Variants in ODAD4 observed in about 807,000 individuals in gnomAD.
The protein encoded by ODAD4 is outer dynein arm docking complex subunit 4, also known as outer dynein arm-docking complex subunit 4.
A neutral mutation model predicts 51.8 loss-of-function variants in ODAD4; 49 were observed. The ratio of observed to expected loss-of-function variants is 0.95; its 90% CI spans 0.75 to 1.20. The LOEUF (loss-of-function observed/expected upper bound fraction) is 1.20, where lower values mean the gene tolerates loss of function less well. ODAD4 is among the 50% of genes most tolerant of loss of function. The pLI is 0.00. For missense variants in ODAD4, 590 were observed against 586.5 expected, an observed-to-expected ratio of 1.01 and a Z score of -0.06; for synonymous variants, 235 against 221.3, an observed-to-expected ratio of 1.06 and a Z score of -0.55.
rs781808611 is a variant in ODAD4 at position 41,955,211 on chromosome 17, C to G, written c.1343-6C>G. 2.6e-6 allele frequency: 2 copies of G among 774,952 alleles called. No individual in the cohort carries two copies. The highest frequency in any genetic ancestry group is 4.8e-6 in the Non-Finnish European group (2 of 415,320). The allele number at this position is 774,952 out of a possible 1,614,324, so 48.0% of individuals were successfully genotyped here. ...CTGTGTTGTGCCTTCTCCCCTTGCT[C>G]TCCAGTGAAGCTGAGAGACTTCGAG... On this transcript the variant is annotated splice_polypyrimidine_tract_variant and splice_region_variant and intron_variant, in intron 9 of 11. Transcript: ENST00000377540.
chr17:41,945,249 C>T (rs782405018), intron 8 of ODAD4, 27 bp downstream of exon 8: 6 of 1,562,946 alleles, frequency 3.8e-6, no homozygotes, highest in Non-Finnish European at 5.3e-6. Flanking sequence ...TGCCTCTTCC[C>T]CACCTCCATG....
chr17:41,965,011 A>G lies in ODAD4; in HGVS notation c.1547A>G (p.Asp516Gly), dbSNP rs1227330093. ...KSEGEASLYE[D>G]RIITREKDMR... Reference sequence around the variant, plus strand: ...TTTTCAGAAGCTTCACTGTATGAAGATAGAATAATAACAAGAGAGAAGGAC... The same window carrying G: ...TTTTCAGAAGCTTCACTGTATGAAGGTAGAATAATAACAAGAGAGAAGGAC... Residue 516 changes from aspartate to glycine, a missense_variant, in exon 12 of 12, where the codon GAT becomes GGT. Asp to Gly is a moderately conservative substitution (Grantham distance 94). This residue lies in a region of ODAD4 where 226 missense variants were observed against 162.7 expected (regional missense o/e 1.39). Transcript: ENST00000377540. The G allele has an allele frequency of 4.2e-6, 3 of 713,198 alleles. No individual in the cohort carries two copies. In the African/African-American group the frequency reaches 5.3e-5, roughly 13 times the overall value. The allele number at this position is 713,198 out of a possible 1,614,324, so 44.2% of individuals were successfully genotyped here. A position where few individuals can be genotyped will look rare whatever the true frequency, so the allele number is the denominator to read the frequency against.
chr17:41,961,258 G>C, intron 10 of ODAD4, 124 bp from the exon 11 acceptor site: 1 of 638,658 alleles, frequency 1.6e-6, no homozygotes, highest in East Asian at 2.7e-5. Context: ...CATTGGAGGG[G>C]CCAGAGGGAA....
chr17:41,934,260 C>G (rs546607598), intron 1 of ODAD4, among the ~76,000 whole-genome samples: 1 of 152,120 alleles, frequency 6.6e-6, no homozygotes, highest in East Asian at 1.9e-4. Context: ...AGGCTGGTCT[C>G]AAACTCCTGA....
intron 8 of ODAD4, among the ~76,000 whole-genome samples, chr17:41,947,827 A>T (rs1276737508): frequency 2.0e-5 from 3 of 150,756 alleles, no homozygotes; most frequent in African/African-American, 7.3e-5. Context: ...AAAATAAAAT[A>T]AAAATAAAAT....
At chr17:41,947,209 C>G (rs1010101417) in intron 8 of ODAD4, among the ~76,000 whole-genome samples, 7 of 151,006 alleles carry the variant, frequency 4.6e-5, no homozygotes, top group Non-Finnish European at 7.4e-5. Flanking sequence ...CGCGGTGGCT[C>G]ACGCCTGTAA....
At chr17:41,950,417 C>G (rs1238650784) in intron 9 of ODAD4, among the ~76,000 whole-genome samples, 6 of 147,598 alleles carry the variant, frequency 4.1e-5, no homozygotes, top group African/African-American at 1.2e-4. Flanking sequence ...GAGACTCACT[C>G]TGTCACCCAG....
Position 41,938,669 on chromosome 17 carries a change from C to T in ODAD4, c.738C>T (p.Tyr246=), listed in dbSNP as rs549565054. The T allele has an allele frequency of 6.8e-5, 109 of 1,613,976 alleles. No homozygotes were observed. The South Asian group carries it at 1.1e-3, about 16-fold the overall frequency. The change falls in exon 6 of 12, where the codon TAC becomes TAT. Residue 246 remains tyrosine, a synonymous_variant. Transcript: ENST00000377540. The part of the protein sequence containing the change: ...SNFWRQQKPI[Y]ARERDRKLMQ... Reference sequence around the variant, plus strand: ...TCTGGAGGCAGCAGAAGCCGATCTACGCCAGGGAGCGGGACCGGAAGCTGA... The same window carrying T: ...TCTGGAGGCAGCAGAAGCCGATCTATGCCAGGGAGCGGGACCGGAAGCTGA...
At chr17:41,933,343 T>G (rs1407698757) in intron 1 of ODAD4, among the ~76,000 whole-genome samples, 12 of 137,616 alleles carry the variant, frequency 8.7e-5, no homozygotes, top group Non-Finnish European at 1.7e-4. Context: ...AGAGTGAAAC[T>G]CTGTCTCAAA....
intron 7 of ODAD4, among the ~76,000 whole-genome samples, chr17:41,944,435 CACA>C (rs1567933080): frequency 0.011 from 48 of 4,478 alleles, no homozygotes; most frequent in South Asian, 0.026. Context: ...CACACACACA[CACA>C]CACACACCCC....
chr17:41,952,153 G>T (rs1555640222), intron 9 of ODAD4, among the ~76,000 whole-genome samples: 1 of 151,962 alleles, frequency 6.6e-6, no homozygotes, highest in Non-Finnish European at 1.5e-5. Flanking sequence ...CAGATCACAA[G>T]GTCAGGAGTT....
rs1193847562 is a variant in ODAD4 at position 41,938,592 on chromosome 17, G to C, written c.661G>C (p.Val221Leu). 6.2e-7 allele frequency: 1 copy of C among 1,613,824 alleles called. No individual in the cohort carries two copies. Among genetic ancestry groups the C allele is most frequent in the African/African-American group, 1.3e-5 (1 of 74,898 alleles). ...IKGTMKGGLT[V>L]EDLIMTGINY... ...AGGCACCATGAAGGGCGGCCTGACT[G>C]TGGAGGACCTCATCATGACGGGCAT... Residue 221 changes from valine (V) to leucine (L), a missense_variant, in exon 6 of 12, where the codon GTG becomes CTG. Val to Leu is a conservative substitution (Grantham distance 32). Coordinates refer to ENST00000377540, the MANE Select transcript of ODAD4 (RefSeq NM_031421.5).
chr17:41,931,411 C>G (rs1371039845), intron 1 of ODAD4, among the ~76,000 whole-genome samples: 1 of 152,152 alleles, frequency 6.6e-6, no homozygotes, highest in Non-Finnish European at 1.5e-5. Flanking sequence ...CATGATTAAC[C>G]GGCCTCCTTC....
At chr17:41,938,160 A>G (rs1555638114) in intron 5 of ODAD4, among the ~76,000 whole-genome samples, 3 of 152,208 alleles carry the variant, frequency 2.0e-5, no homozygotes, top group Non-Finnish European at 1.5e-5. Flanking sequence ...AGCTTCCAGC[A>G]TGCACAGGCC....
intron 11 of ODAD4, among the ~76,000 whole-genome samples, chr17:41,963,571 A>T (rs781938699): frequency 6.6e-6 from 1 of 152,016 alleles, no homozygotes; most frequent in Non-Finnish European, 1.5e-5. Context: ...CTGGGGTCAG[A>T]CTGTCCTGGG....
Position 41,965,431 on chromosome 17 carries a change from A to G in ODAD4, c.1967A>G (p.Glu656Gly). The G allele has an allele frequency of 2.6e-6, 2 of 775,534 alleles. No homozygotes were observed. Among genetic ancestry groups the G allele is most frequent in the Non-Finnish European group, 4.8e-6 (2 of 416,822 alleles). The allele number at this position is 775,534 out of a possible 1,614,324, so 48.0% of individuals were successfully genotyped here. A position where few individuals can be genotyped will look rare whatever the true frequency, so the allele number is the denominator to read the frequency against. The change falls in exon 12 of 12, where the codon GAA becomes GGA. Residue 656 changes from glutamate to glycine, a missense_variant. By Grantham distance (98) the Glu-to-Gly change is moderately conservative. Around this residue, in one of 3 missense-constraint regions of ODAD4, gnomAD observed 226 missense variants for 162.7 expected, o/e 1.39. Coordinates refer to ENST00000377540, the MANE Select transcript of ODAD4 (RefSeq NM_031421.5). ...PEELGKTQFG[E>G]IGETKKTGNE... ...GAACTGGGAAAAACACAATTTGGAG[A>G]AATAGGAGAAACGAAAAAAACAGGA... is the stretch of plus-strand genomic sequence containing the variant.
At chr17:41,962,569 G>A (rs9899099) in intron 11 of ODAD4, among the ~76,000 whole-genome samples, 15,006 of 152,236 alleles carry the variant, frequency 0.099, 813 homozygotes, top group Middle Eastern at 0.17. Context: ...CTGTGTGCAC[G>A]GACTCATCCT....
At chr17:41,951,554 C>T (rs1195310931) in intron 9 of ODAD4, among the ~76,000 whole-genome samples, 3 of 147,236 alleles carry the variant, frequency 2.0e-5, no homozygotes, top group Non-Finnish European at 4.5e-5. Context: ...GTTTTCCTGT[C>T]ACATTGAGAT....
In ODAD4 at chr17:41,955,332, C is replaced by G. The variant is rs1415740909; in HGVS notation, c.1443+15C>G. ...CCATCATCAGTGTGAGCCTTTCCAC[C>G]CGCCGGGCTTCGGGTGTCAGGAGTG... On this transcript the variant is annotated intron_variant, in intron 10 of 11. Transcript: ENST00000377540. 2 of 768,532 alleles carry G rather than the reference C, an allele frequency of 2.6e-6. No individual in the cohort carries two copies. The highest frequency in any genetic ancestry group is 4.8e-6 in the Non-Finnish European group (2 of 412,692). The allele number at this position is 768,532 out of a possible 1,614,324, so 47.6% of individuals were successfully genotyped here.
Sources: allele counts gnomAD v4.1 joint callset (sites outside exome capture counted in the v4.1 genomes callset), GRCh38; gene constraint gnomAD v4.1.1; regional missense constraint gnomAD v4.1.1; transcripts MANE v1.5; gene names NCBI Gene and HGNC (gene_info 2026-07-23, HGNC 2026-07-21).